The following MYCBP2 variants were observed in gnomAD, a reference collection of about 807,000 sequenced individuals.
The protein encoded by MYCBP2 is MYC binding protein 2, also known as E3 ubiquitin-protein ligase MYCBP2.
MYCBP2 carries 120 observed loss-of-function variants against 525.3 expected under a neutral mutation model. That is an observed-to-expected ratio of 0.23 (90% CI 0.20 to 0.27). The LOEUF (loss-of-function observed/expected upper bound fraction) is 0.27, where lower values mean the gene tolerates loss of function less well. MYCBP2 is among the 10% of genes least tolerant of loss of function. The pLI, the probability that MYCBP2 is intolerant of heterozygous loss-of-function variation, is 1.00. For synonymous variants in MYCBP2, 1,894 were observed against 1,955.8 expected (o/e 0.97, Z 0.83); for missense variants, 4,149 against 5,657.1 (o/e 0.73, Z 8.55).
chr13:77,113,099 T>C (rs1418621828), intron 55 of MYCBP2, among the ~76,000 whole-genome samples: 1 of 152,180 alleles, frequency 6.6e-6, no homozygotes, highest in African/African-American at 2.4e-5. Context: ...ATAAAATACT[T>C]TGTGATTCAT....
chr13:77,134,026 A>G (rs2053340581), intron 52 of MYCBP2, among the ~76,000 whole-genome samples: 1 of 152,298 alleles, frequency 6.6e-6, no homozygotes, highest in Non-Finnish European at 1.5e-5. Context: ...TGCAAATAAG[A>G]ATTCTACGAA....
chr13:77,231,140 T>G (rs1254544869), intron 18 of MYCBP2, among the ~76,000 whole-genome samples: 1 of 152,222 alleles, frequency 6.6e-6, no homozygotes, highest in Non-Finnish European at 1.5e-5. Flanking sequence ...ACTATCTCAC[T>G]CTATAAAACC....
At chr13:77,068,054 A>C (rs2040489862) in intron 70 of MYCBP2, among the ~76,000 whole-genome samples, 190 bp from the exon 71 acceptor site, 1 of 152,126 alleles carries the variant, frequency 6.6e-6, no homozygotes, top group Non-Finnish European at 1.5e-5. Context: ...TTGCCTCCCA[A>C]AGTGCTGGGA....
chr13:77,268,608 G>A (rs1261967107), intron 7 of MYCBP2, among the ~76,000 whole-genome samples: 6 of 151,866 alleles, frequency 4.0e-5, no homozygotes, highest in East Asian at 1.9e-4. Context: ...GGTTAAACCC[G>A]TCTCTACTAA....
At chr13:77,121,015 TTC>T (rs1439939789) in intron 55 of MYCBP2, among the ~76,000 whole-genome samples, 2 of 152,090 alleles carry the variant, frequency 1.3e-5, no homozygotes, top group African/African-American at 2.4e-5. Flanking sequence ...TTTGAGCAAG[TTC>T]TCTGTTTCTC....
In MYCBP2 at chr13:77,217,907, G is replaced by C; in HGVS notation, c.2990C>G (p.Thr997Ser). 1.2e-6 allele frequency: 2 copies of C among 1,612,184 alleles called. No homozygotes were observed. The highest frequency in any genetic ancestry group is 1.7e-6 in the Non-Finnish European group (2 of 1,179,082). The change falls in exon 21 of 83, where the codon ACT becomes AGT. Residue 997 changes from threonine (T) to serine (S), a missense_variant. Physicochemically the swap from Thr to Ser is moderately conservative, Grantham distance 58. Around this residue, in one of 21 missense-constraint regions of MYCBP2, gnomAD observed 620 missense variants for 795.5 expected, o/e 0.78. Coordinates refer to ENST00000544440, the MANE Select transcript of MYCBP2 (RefSeq NM_015057.5). ...TACTGCCGTATGGTTGCTGCCTGCA[G>C]TGACTTGTGTGCTAGGGCCTGGCAA... Reference protein sequence around the residue: ...QALPGPSTQVTAGSNHTAVLL... With the variant: ...QALPGPSTQVSAGSNHTAVLL...
intron 71 of MYCBP2, among the ~76,000 whole-genome samples, chr13:77,067,214 C>T (rs1471089259): frequency 6.6e-6 from 1 of 152,114 alleles, no homozygotes; most frequent in African/African-American, 2.4e-5. Context: ...AAGAAATGTA[C>T]ATAAAGCTTT....
intron 40 of MYCBP2, among the ~76,000 whole-genome samples, chr13:77,167,004 CA>C (rs2058613073): frequency 6.6e-6 from 1 of 150,920 alleles, no homozygotes; most frequent in African/African-American, 2.4e-5. Context: ...CACACACACA[CA>C]CACACACACA....
chr13:77,293,587 T>C (rs771977571), intron 2 of MYCBP2, among the ~76,000 whole-genome samples: 1 of 152,214 alleles, frequency 6.6e-6, no homozygotes. Flanking sequence ...GTATATGTGA[T>C]TAAACTAAGG....
intron 34 of MYCBP2, among the ~76,000 whole-genome samples, chr13:77,179,925 A>G (rs533916213): frequency 6.6e-6 from 1 of 152,276 alleles, no homozygotes; most frequent in African/African-American, 2.4e-5. Flanking sequence ...ATTCCTGTGG[A>G]TGCTGGGTAA....
intron 20 of MYCBP2, among the ~76,000 whole-genome samples, chr13:77,219,422 G>A (rs2065245036): frequency 1.3e-5 from 2 of 150,370 alleles, no homozygotes; most frequent in Non-Finnish European, 3.0e-5. Flanking sequence ...AGAAAGGAGA[G>A]CCAGCAGCTA....
chr13:77,181,618 T>C, intron 33 of MYCBP2, 83 bp downstream of exon 33: 1 of 1,035,418 alleles, frequency 9.7e-7, no homozygotes, highest in Middle Eastern at 3.2e-4. Context: ...TATAGTTTTA[T>C]TGCCTCTGTA....
chr13:77,126,174 T>C (rs1272143064), intron 53 of MYCBP2, 144 bp downstream of exon 53: 4 of 616,156 alleles, frequency 6.5e-6, no homozygotes, highest in Non-Finnish European at 1.1e-5. Context: ...ACAGAAAAAT[T>C]ATGTATTTGC....
At chr13:77,214,760 C>T (rs2154286738) in intron 21 of MYCBP2, among the ~76,000 whole-genome samples, 1 of 152,236 alleles carries the variant, frequency 6.6e-6, no homozygotes, top group African/African-American at 2.4e-5. Flanking sequence ...CCAACCTGTA[C>T]AGCATGCTGG....
chr13:77,216,859 A>G (rs935455065), intron 21 of MYCBP2, among the ~76,000 whole-genome samples: 1 of 152,222 alleles, frequency 6.6e-6, no homozygotes, highest in African/African-American at 2.4e-5. Context: ...AATACAAACT[A>G]AAGTATGTAG....
chr13:77,176,355 A>C, intron 36 of MYCBP2, 142 bp downstream of exon 36: 3 of 552,220 alleles, frequency 5.4e-6, no homozygotes, highest in East Asian at 3.3e-5. Flanking sequence ...CGTAGTAGGT[A>C]CTCCATAAAT....
chr13:77,158,618 T>A (rs186366760), intron 44 of MYCBP2, among the ~76,000 whole-genome samples: 96 of 152,278 alleles, frequency 6.3e-4, no homozygotes, highest in African/African-American at 2.0e-3. Flanking sequence ...TAATTTTTTT[T>A]AAAACTTTTT....
At chr13:77,208,295 C>T (rs1054060809) in intron 23 of MYCBP2, among the ~76,000 whole-genome samples, 3 of 152,280 alleles carry the variant, frequency 2.0e-5, no homozygotes, top group Non-Finnish European at 4.4e-5. Flanking sequence ...GTGATTCAGA[C>T]TTACCTCAGT....
rs1369841469 is a variant in MYCBP2 at position 77,126,491 on chromosome 13, G to A, written c.7711C>T (p.Pro2571Ser). 1 of 1,613,784 alleles carries A rather than the reference G, an allele frequency of 6.2e-7. No homozygotes were observed. Among genetic ancestry groups the A allele is most frequent in the Non-Finnish European group, 8.5e-7 (1 of 1,179,826 alleles). Residue 2571 changes from proline (P) to serine (S), a missense_variant, in exon 53 of 83, where the codon CCA (proline) becomes TCA (serine). By Grantham distance (74) the Pro-to-Ser change is moderately conservative (BLOSUM62 -1). Coordinates refer to ENST00000544440, the MANE Select transcript of MYCBP2 (RefSeq NM_015057.5). Reference protein sequence around the residue: ...DFFKDINSCCPQEATMQEQDM... With the variant: ...DFFKDINSCCSQEATMQEQDM... Reference sequence around the variant, plus strand: ...TGTTCTTGCATTGTTGCTTCCTGTGGGCAGCAGGAGTTTATGTCTTTGAAA... The same window carrying A: ...TGTTCTTGCATTGTTGCTTCCTGTGAGCAGCAGGAGTTTATGTCTTTGAAA...
Sources: gnomAD v4.1 joint callset for allele counts (sites outside exome capture counted in the v4.1 genomes callset) on GRCh38, gnomAD v4.1.1 for gene constraint, gnomAD v4.1.1 regional missense constraint, MANE v1.5 for transcripts, NCBI Gene and HGNC (gene_info 2026-07-23, HGNC 2026-07-21) for gene names.